The following PCDH15 variants were observed in gnomAD, a reference collection of about 807,000 sequenced individuals.
PCDH15 encodes protocadherin related 15.
In PCDH15, 129 loss-of-function variants were observed where a neutral mutation model predicts 178.5. That is an observed-to-expected ratio of 0.72 (90% confidence interval 0.63 to 0.84). PCDH15 has a LOEUF of 0.84. PCDH15 is among the 40% of genes least tolerant of loss of function. PCDH15 has a pLI of 0.00. For synonymous variants in PCDH15, 800 were observed against 732.0 expected, an observed-to-expected ratio of 1.09 and a Z score of -1.50; for missense variants, 2,230 against 2,099.9, an observed-to-expected ratio of 1.06 and a Z score of -1.21.
At chr10:54,116,810 A>G (rs2095121154) in intron 15 of PCDH15, among the ~76,000 whole-genome samples, 1 of 152,236 alleles carries the variant, frequency 6.6e-6, no homozygotes, top group Admixed American at 6.5e-5. Flanking sequence ...GTAATTTTAT[A>G]TATGTTGAAT....
chr10:54,817,799 T>C (rs561812687), intron 3 of PCDH15, among the ~76,000 whole-genome samples: 59 of 152,212 alleles, frequency 3.9e-4, no homozygotes, highest in African/African-American at 1.3e-3. Flanking sequence ...AATTACAATA[T>C]GTGCTGACAT....
At chr10:54,447,869 C>A (rs1331357276) in intron 3 of PCDH15, among the ~76,000 whole-genome samples, 1 of 151,582 alleles carries the variant, frequency 6.6e-6, no homozygotes, top group Non-Finnish European at 1.5e-5. Flanking sequence ...ACAAGAAAGA[C>A]TGTGAAAACA....
intron 2 of PCDH15, among the ~76,000 whole-genome samples, chr10:55,429,460 G>A (rs1838831192): frequency 6.6e-6 from 1 of 152,036 alleles, no homozygotes; most frequent in Admixed American, 6.5e-5. Flanking sequence ...TCATGCTTAT[G>A]TTATATATCT....
At chr10:54,796,997 A>T (rs1564489122) in intron 1 of PCDH15, among the ~76,000 whole-genome samples, 1 of 151,996 alleles carries the variant, frequency 6.6e-6, no homozygotes, top group Non-Finnish European at 1.5e-5. Context: ...GCTCATTCTG[A>T]CACCTCCATG....
chr10:55,281,646 G>A (rs145058081), intron 1 of PCDH15, among the ~76,000 whole-genome samples: 2 of 151,902 alleles, frequency 1.3e-5, no homozygotes, highest in Admixed American at 6.6e-5. Flanking sequence ...ACAATGACTC[G>A]CACATGTGTC....
chr10:55,219,523 G>T (rs1008973235), intron 1 of PCDH15, among the ~76,000 whole-genome samples: 8 of 150,470 alleles, frequency 5.3e-5, no homozygotes, highest in Admixed American at 6.6e-5. Flanking sequence ...TTTTTTTCCT[G>T]TGGCAAAACT....
chr10:54,382,078 G>T (rs1053935909), intron 3 of PCDH15, among the ~76,000 whole-genome samples: 2 of 151,970 alleles, frequency 1.3e-5, no homozygotes, highest in Admixed American at 1.3e-4. Context: ...AAAAATATTA[G>T]CACAGTTAAA....
intron 7 of PCDH15, 45 bp from the exon 8 acceptor site, chr10:54,317,486 G>T: frequency 1.9e-6 from 3 of 1,605,506 alleles, no homozygotes; most frequent in Non-Finnish European, 2.6e-6. Flanking sequence ...TAGAAATTAG[G>T]CACAATAGCC....
intron 20 of PCDH15, among the ~76,000 whole-genome samples, chr10:53,998,423 G>A (rs1280626167): frequency 6.6e-6 from 1 of 152,142 alleles, no homozygotes; most frequent in East Asian, 1.9e-4. Context: ...ATACCTGAAG[G>A]TGTAGGTAGC....
intron 2 of PCDH15, among the ~76,000 whole-genome samples, chr10:55,018,217 A>G (rs1295077547): frequency 6.6e-6 from 1 of 152,068 alleles, no homozygotes; most frequent in Non-Finnish European, 1.5e-5. Flanking sequence ...AATTAATGCG[A>G]AAAAGTTGAT....
chr10:54,095,628 C>G (rs371081051), intron 15 of PCDH15, among the ~76,000 whole-genome samples: 2 of 151,968 alleles, frequency 1.3e-5, no homozygotes, highest in Non-Finnish European at 2.9e-5. Context: ...AAATAAAATG[C>G]CTTATGCTAA....
chr10:55,570,358 G>C (rs538552699), intron 2 of PCDH15, among the ~76,000 whole-genome samples: 16 of 151,914 alleles, frequency 1.1e-4, no homozygotes, highest in Non-Finnish European at 1.8e-4. Flanking sequence ...GTCTTCATAA[G>C]TGTCTAATAC....
intron 20 of PCDH15, among the ~76,000 whole-genome samples, chr10:53,999,738 C>T (rs371280666): frequency 1.4e-4 from 21 of 152,276 alleles, no homozygotes; most frequent in South Asian, 4.1e-4. Context: ...GACTTCCAGA[C>T]GGTAACTTTG....
intron 29 of PCDH15, among the ~76,000 whole-genome samples, chr10:53,838,684 A>G (rs1032090468): frequency 6.6e-6 from 1 of 152,224 alleles, no homozygotes; most frequent in Non-Finnish European, 1.5e-5. Flanking sequence ...TGATTTTCTG[A>G]CAATCGAAAG....
chr10:55,000,471 T>A (rs769607664), intron 2 of PCDH15, among the ~76,000 whole-genome samples: 1 of 152,228 alleles, frequency 6.6e-6, no homozygotes, highest in Non-Finnish European at 1.5e-5. Flanking sequence ...AGATTTCATA[T>A]TGTTTAAACA....
At chr10:54,183,725 A>T (rs1194422521) in intron 12 of PCDH15, 132 bp from the exon 13 acceptor site, 4 of 1,011,364 alleles carry the variant, frequency 4.0e-6, no homozygotes, top group Non-Finnish European at 6.1e-6. Context: ...TATTTTGTTG[A>T]TAAAAGGACG....
chr10:54,433,960 GC>G (rs1370425687), intron 3 of PCDH15, among the ~76,000 whole-genome samples: 1 of 152,164 alleles, frequency 6.6e-6, no homozygotes, highest in African/African-American at 2.4e-5. Context: ...GTGTGCTATT[GC>G]CCCAAACACC....
intron 8 of PCDH15, among the ~76,000 whole-genome samples, chr10:54,252,783 T>A (rs1221504674): frequency 1.3e-5 from 2 of 152,124 alleles, no homozygotes; most frequent in Non-Finnish European, 2.9e-5. Flanking sequence ...AGGATTTTTT[T>A]TTTTAAAGTA....
intron 26 of PCDH15, among the ~76,000 whole-genome samples, chr10:53,872,702 C>T (rs533958964): frequency 6.6e-6 from 1 of 152,254 alleles, no homozygotes; most frequent in African/African-American, 2.4e-5. Context: ...TTTAGGAAAT[C>T]CTTGCTATAT....
Sources: gnomAD v4.1 joint callset for allele counts (sites outside exome capture counted in the v4.1 genomes callset) on GRCh38, gnomAD v4.1.1 for gene constraint, MANE v1.5 for transcripts, NCBI Gene and HGNC (gene_info 2026-07-23, HGNC 2026-07-21) for gene names.